Variants in STPG2 observed in about 807,000 individuals in gnomAD.
STPG2 encodes sperm tail PG-rich repeat containing 2, also known as sperm-tail PG-rich repeat-containing protein 2.
A neutral mutation model predicts 54.2 loss-of-function variants in STPG2; 56 were observed. The observed-to-expected ratio is 1.03, with a 90% CI of 0.83 to 1.29. The LOEUF (loss-of-function observed/expected upper bound fraction) is 1.29, where lower values mean the gene tolerates loss of function less well. Among genes scored for constraint, STPG2 ranks in the 50% most tolerant of loss-of-function variants. The pLI is 0.00. For synonymous variants in STPG2, 200 were observed against 181.8 expected (o/e 1.10, Z -0.81); for missense variants, 596 against 544.9 (o/e 1.09, Z -0.93).
intron 10 of STPG2, among the ~76,000 whole-genome samples, chr4:97,656,158 A>C (rs1021816562): frequency 6.6e-6 from 1 of 152,254 alleles, no homozygotes; most frequent in East Asian, 1.9e-4. Context: ...CTGCAAATAC[A>C]TGTGTTAAAG....
intron 9 of STPG2, among the ~76,000 whole-genome samples, chr4:97,726,429 G>C (rs909667737): frequency 2.0e-5 from 3 of 151,662 alleles, no homozygotes; most frequent in African/African-American, 7.3e-5. Context: ...TGATTAAGAT[G>C]GTAAATTTTC....
At chr4:97,646,847 T>C (rs1314557447) in intron 10 of STPG2, among the ~76,000 whole-genome samples, 1 of 152,164 alleles carries the variant, frequency 6.6e-6, no homozygotes, top group Non-Finnish European at 1.5e-5. Context: ...GTCTAGTCTA[T>C]GATTTGACAT....
chr4:98,015,264 A>C (rs534173776), intron 5 of STPG2, among the ~76,000 whole-genome samples: 2 of 152,322 alleles, frequency 1.3e-5, no homozygotes, highest in East Asian at 3.9e-4. Context: ...ATCAGAGTGA[A>C]CAGGCAGCCT....
intron 9 of STPG2, among the ~76,000 whole-genome samples, chr4:97,775,147 A>G (rs1255797639): frequency 1.3e-5 from 2 of 152,258 alleles, no homozygotes; most frequent in African/African-American, 2.4e-5. Flanking sequence ...AATGTAAAGC[A>G]TATGATAGAG....
intron 6 of STPG2, among the ~76,000 whole-genome samples, chr4:97,976,033 A>C (rs1318417190): frequency 6.6e-6 from 1 of 152,184 alleles, no homozygotes; most frequent in Non-Finnish European, 1.5e-5. Context: ...AAAAGTGATT[A>C]AATCTTTCTG....
At chr4:97,968,153 T>C (rs1084780) in intron 7 of STPG2, among the ~76,000 whole-genome samples, 127,093 of 152,030 alleles carry the variant, frequency 0.84, 53,303 homozygotes, top group Middle Eastern at 0.94. Context: ...CTCAAATAGA[T>C]GCAATAAAAA....
At chr4:97,629,463 T>C (rs1721190445) in intron 10 of STPG2, among the ~76,000 whole-genome samples, 1 of 151,964 alleles carries the variant, frequency 6.6e-6, no homozygotes, top group South Asian at 2.1e-4. Flanking sequence ...CAAAACAAGA[T>C]GAAGATAACA....
chr4:97,837,058 A>G (rs1037249013), intron 9 of STPG2, among the ~76,000 whole-genome samples: 2 of 151,698 alleles, frequency 1.3e-5, no homozygotes, highest in Non-Finnish European at 3.0e-5. Context: ...TCCCATGTTT[A>G]AAAAAACCAT....
At chr4:97,846,856 G>C (rs1350396661) in intron 8 of STPG2, among the ~76,000 whole-genome samples, 3 of 152,016 alleles carry the variant, frequency 2.0e-5, no homozygotes, top group Admixed American at 2.0e-4. Context: ...CCTCTTTCAA[G>C]TTATGAAATA....
chr4:97,737,918 C>T (rs187598958), intron 9 of STPG2, among the ~76,000 whole-genome samples: 1 of 152,030 alleles, frequency 6.6e-6, no homozygotes, highest in South Asian at 2.1e-4. Flanking sequence ...GCCAGATTCA[C>T]CAAAGTTGAA....
At chr4:97,521,878 G>C (rs1323424607) in intron 4 of STPG2, among the ~76,000 whole-genome samples, 10 of 151,914 alleles carry the variant, frequency 6.6e-5, no homozygotes, top group Non-Finnish European at 1.5e-5. Flanking sequence ...GGAAGGCTGA[G>C]GCAGGTGAAT....
intron 8 of STPG2, among the ~76,000 whole-genome samples, chr4:97,905,076 C>A (rs1731351643): frequency 6.6e-6 from 1 of 151,836 alleles, no homozygotes; most frequent in Non-Finnish European, 1.5e-5. Context: ...GCAAGGCAGG[C>A]CAACATTCAG....
intron 8 of STPG2, among the ~76,000 whole-genome samples, chr4:97,861,343 C>T (rs773226875): frequency 1.3e-4 from 20 of 152,162 alleles, no homozygotes; most frequent in Middle Eastern, 3.4e-3. Flanking sequence ...TAGCCAATAA[C>T]GAATGCTGGC....
At chr4:97,601,378 A>C (rs978455300) in intron 10 of STPG2, among the ~76,000 whole-genome samples, 1 of 152,114 alleles carries the variant, frequency 6.6e-6, no homozygotes, top group African/African-American at 2.4e-5. Context: ...ATATAAGTAT[A>C]GATTCTACAT....
intron 8 of STPG2, among the ~76,000 whole-genome samples, chr4:97,843,705 A>G (rs1728866551): frequency 6.6e-6 from 1 of 151,970 alleles, no homozygotes; most frequent in African/African-American, 2.4e-5. Context: ...AAGTTTAAAA[A>G]GAATTCACTG....
At chr4:97,898,103 G>C (rs1265624463) in intron 8 of STPG2, among the ~76,000 whole-genome samples, 1 of 152,044 alleles carries the variant, frequency 6.6e-6, no homozygotes, top group Non-Finnish European at 1.5e-5. Flanking sequence ...AAGAAGTCCA[G>C]ATTCAATCTT....
At chr4:97,965,203 C>T (rs763129057) in intron 7 of STPG2, among the ~76,000 whole-genome samples, 34 of 152,298 alleles carry the variant, frequency 2.2e-4, no homozygotes, top group African/African-American at 6.5e-4. Context: ...GTGCCTGGCT[C>T]GATGGGTCCC....
intron 2 of STPG2, among the ~76,000 whole-genome samples, chr4:98,131,136 T>G (rs1049238537): frequency 9.9e-5 from 15 of 152,054 alleles, no homozygotes; most frequent in African/African-American, 3.6e-4. Flanking sequence ...TCCCATTCTT[T>G]TTAACTACTA....
intron 9 of STPG2, among the ~76,000 whole-genome samples, chr4:97,717,207 G>A (rs994102376): frequency 9.9e-5 from 15 of 152,006 alleles, no homozygotes; most frequent in Admixed American, 7.2e-4. Flanking sequence ...AATACTACAC[G>A]AATTTTAAAC....
Sources: allele counts gnomAD v4.1 joint callset (sites outside exome capture counted in the v4.1 genomes callset), GRCh38; gene constraint gnomAD v4.1.1; transcripts MANE v1.5; gene names NCBI Gene and HGNC (gene_info 2026-07-23, HGNC 2026-07-21).